Variants in GPR137B observed in about 807,000 individuals in gnomAD.
The protein encoded by GPR137B is integral membrane protein GPR137B.
A neutral mutation model predicts 42.5 loss-of-function variants in GPR137B; 42 were observed. That is an observed-to-expected ratio of 0.99 (90% CI 0.77 to 1.28). The LOEUF is 1.28. GPR137B is among the 50% of genes most tolerant of loss of function. The pLI is 0.00. For missense variants in GPR137B, 487 were observed against 493.9 expected, an observed-to-expected ratio of 0.99 and a Z score of 0.13; for synonymous variants, 218 against 209.7, an observed-to-expected ratio of 1.04 and a Z score of -0.34.
At chr1:236,164,137 G>A (rs1239579795) in intron 1 of GPR137B, among the ~76,000 whole-genome samples, 1 of 152,108 alleles carries the variant, frequency 6.6e-6, no homozygotes, top group Non-Finnish European at 1.5e-5. Context: ...ATGTCTGTCT[G>A]CCTGTGTATT....
intron 5 of GPR137B, among the ~76,000 whole-genome samples, chr1:236,186,238 A>C (rs1663017018): frequency 1.6e-5 from 1 of 61,484 alleles, no homozygotes; most frequent in Non-Finnish European, 2.9e-5. Context: ...AATATATAAT[A>C]ATATAAATAA....
chr1:236,169,219 GGTACAGGTA>G, intron 2 of GPR137B, among the ~76,000 whole-genome samples: 1 of 141,418 alleles, frequency 7.1e-6, no homozygotes, highest in African/African-American at 3.2e-5. Context: ...TGCAGGTACA[GGTACAGGTA>G]CAGGTGCAGG....
In GPR137B at chr1:236,171,980, A is replaced by G. The variant is rs954954113; in HGVS notation, c.464+3225A>G. 2.6e-5 allele frequency among the ~76,000 whole-genome samples: 4 copies of G among 151,696 alleles called. No homozygotes were observed. The highest frequency in any genetic ancestry group is 6.6e-5 in the Admixed American group (1 of 15,204). ...CTTGAACCCAGGAGGTTGAGGTTGC[A>G]GTGAGCCGAGATTGTGCCATTGCAC... On this transcript the variant is annotated intron_variant, in intron 2 of 6. Transcript: ENST00000366592. This position sits in a 1 kb window ranked among gnomAD's most constrained non-coding sequence, Gnocchi z 4.4.
chr1:236,143,719 C>T (rs545846240), intron 1 of GPR137B, among the ~76,000 whole-genome samples: 2 of 152,232 alleles, frequency 1.3e-5, no homozygotes, highest in Non-Finnish European at 2.9e-5. Context: ...CTGACTGGGG[C>T]TCTTTTACAG....
intron 6 of GPR137B, among the ~76,000 whole-genome samples, chr1:236,206,168 CTG>C (rs1417083210): frequency 6.6e-6 from 1 of 152,184 alleles, no homozygotes; most frequent in African/African-American, 2.4e-5. Flanking sequence ...GTATCAGACA[CTG>C]TTCTAAGAGA....
rs201452454 is a variant in GPR137B, at chr1:236,179,866, C to T, written c.688-13C>T. 3.8e-5 allele frequency: 59 copies of T among 1,560,788 alleles called. No individual in the cohort carries two copies. The highest frequency in any genetic ancestry group is 1.9e-4 in the Admixed American group (10 of 53,590). Reference sequence around the variant, plus strand: ...CCTGGAGTGTCCCATACCTTCTGCTCCCTCTTTTCCAGGGCTCCTCCGTGT... The same window carrying T: ...CCTGGAGTGTCCCATACCTTCTGCTTCCTCTTTTCCAGGGCTCCTCCGTGT... On this transcript the variant is annotated splice_polypyrimidine_tract_variant and intron_variant, in intron 3 of 6. Coordinates refer to ENST00000366592, the MANE Select transcript of GPR137B (RefSeq NM_003272.4).
intron 1 of GPR137B, among the ~76,000 whole-genome samples, chr1:236,167,208 C>CA (rs1362736060): frequency 2.4e-4 from 37 of 152,218 alleles, no homozygotes; most frequent in African/African-American, 8.9e-4. Context: ...ATGATTCCCA[C>CA]AATCAAGCTA....
chr1:236,196,878 C>T (rs1663354616), intron 5 of GPR137B, among the ~76,000 whole-genome samples: 1 of 152,016 alleles, frequency 6.6e-6, no homozygotes, highest in African/African-American at 2.4e-5. Flanking sequence ...TAGGCTGGTT[C>T]CATATTTTTG....
At chr1:236,206,757 G>A (rs1040376094) in intron 6 of GPR137B, among the ~76,000 whole-genome samples, 1 of 152,176 alleles carries the variant, frequency 6.6e-6, no homozygotes, top group Admixed American at 6.5e-5. Flanking sequence ...TCCTCAGCCT[G>A]CTGTGCTCAG....
At chr1:236,144,628 G>A (rs1661632326) in intron 1 of GPR137B, among the ~76,000 whole-genome samples, 1 of 152,244 alleles carries the variant, frequency 6.6e-6, no homozygotes, top group Non-Finnish European at 1.5e-5. Flanking sequence ...AGAGTAATGC[G>A]TATTGCCTGT....
intron 1 of GPR137B, among the ~76,000 whole-genome samples, chr1:236,147,611 A>C (rs748506629): frequency 6.6e-6 from 1 of 152,090 alleles, no homozygotes; most frequent in Non-Finnish European, 1.5e-5. Context: ...TCCCACCTGT[A>C]AAAATCCCAG....
At position 236,160,754 on chromosome 1, in the gene GPR137B, C is replaced by G. The variant is rs539662592; in HGVS notation, c.415-7952C>G. On this transcript the variant is annotated intron_variant, in intron 1 of 6. Transcript: ENST00000366592. ...CAGTCGAGCCTGCCCTTGGCCAGGCCCTGTGGCAGCTTAAGGTGAAGTGGT... is the reference window on the plus strand; with the variant it reads ...CAGTCGAGCCTGCCCTTGGCCAGGCGCTGTGGCAGCTTAAGGTGAAGTGGT... Among the ~76,000 whole-genome samples, 36 of 152,218 alleles carry G rather than the reference C, an allele frequency of 2.4e-4. No homozygotes were observed. In the South Asian group the frequency reaches 7.3e-3, roughly 31 times the overall value.
intron 5 of GPR137B, among the ~76,000 whole-genome samples, chr1:236,190,148 C>CTTCGTTTTTTT (rs61093509): frequency 8.4e-6 from 1 of 119,402 alleles, no homozygotes; most frequent in Non-Finnish European, 1.8e-5. Flanking sequence ...CCTGCTTCTT[C>CTTCGTTTTTTT]TTTTTTTTTT....
chr1:236,160,013 C>T (rs543399364), intron 1 of GPR137B, among the ~76,000 whole-genome samples: 5 of 152,302 alleles, frequency 3.3e-5, no homozygotes, highest in African/African-American at 4.8e-5. Flanking sequence ...TCACCCACAG[C>T]GTCATCCCCA....
At chr1:236,197,257 GT>G (rs1408340996) in intron 5 of GPR137B, among the ~76,000 whole-genome samples, 4 of 151,968 alleles carry the variant, frequency 2.6e-5, no homozygotes, top group Non-Finnish European at 5.9e-5. Context: ...TTGCTGATAT[GT>G]TTGAGTTCTT....
At chr1:236,151,039 A>G (rs1661844517) in intron 1 of GPR137B, among the ~76,000 whole-genome samples, 1 of 152,156 alleles carries the variant, frequency 6.6e-6, no homozygotes. Context: ...TGCAAACAAC[A>G]AAGTCATGTG....
At chr1:236,151,159 C>G (rs546433068) in intron 1 of GPR137B, among the ~76,000 whole-genome samples, 2 of 152,104 alleles carry the variant, frequency 1.3e-5, no homozygotes, top group African/African-American at 2.4e-5. Context: ...ACATTTTGGC[C>G]GGCCAGTTCT....
At chr1:236,182,484 T>G (rs1662912894) in intron 4 of GPR137B, among the ~76,000 whole-genome samples, 1 of 152,086 alleles carries the variant, frequency 6.6e-6, no homozygotes, top group Admixed American at 6.6e-5. Flanking sequence ...GTGGGTGCAG[T>G]GGCCTGTAAT....
intron 2 of GPR137B, among the ~76,000 whole-genome samples, chr1:236,174,154 T>TGTTA (rs1662621665): frequency 1.3e-5 from 2 of 152,226 alleles, no homozygotes; most frequent in Non-Finnish European, 2.9e-5. Context: ...TTTAACTTGA[T>TGTTA]GTTAGGTCAC....
Sources: gnomAD v4.1 joint callset for allele counts (sites outside exome capture counted in the v4.1 genomes callset) on GRCh38, gnomAD v4.1.1 for gene constraint, Gnocchi (gnomAD v3.1) non-coding constraint, MANE v1.5 for transcripts, NCBI Gene and HGNC (gene_info 2026-07-23, HGNC 2026-07-21) for gene names.